The following FREM1 variants were observed in gnomAD, a reference collection of about 807,000 sequenced individuals.
FREM1 encodes FRAS1-related extracellular matrix protein 1.
FREM1 carries 220 observed loss-of-function variants against 210.1 expected under a neutral mutation model. The observed-to-expected ratio is 1.05, with a 90% CI of 0.94 to 1.17. The LOEUF (loss-of-function observed/expected upper bound fraction) is 1.17. Among genes scored for constraint, FREM1 ranks in the 50% most tolerant of loss-of-function variants. The pLI is 0.00. For missense variants in FREM1, 3,454 were observed against 2,675.5 expected, an observed-to-expected ratio of 1.29 and a Z score of -6.42; for synonymous variants, 1,189 against 980.2, an observed-to-expected ratio of 1.21 and a Z score of -3.98.
At chr9:14,904,367 T>A (rs1257702404) in intron 1 of FREM1, among the ~76,000 whole-genome samples, 2 of 152,066 alleles carry the variant, frequency 1.3e-5, no homozygotes, top group Non-Finnish European at 2.9e-5. Flanking sequence ...TCCAAGAGGG[T>A]TAACTGTTAT....
chr9:14,767,720 G>C (rs1846694328), intron 27 of FREM1, among the ~76,000 whole-genome samples: 1 of 151,994 alleles, frequency 6.6e-6, no homozygotes, highest in East Asian at 1.9e-4. Flanking sequence ...CTTACAAATG[G>C]GGTTGAGGAC....
chr9:14,834,921 G>T (rs1208617913), intron 10 of FREM1, among the ~76,000 whole-genome samples: 2 of 152,098 alleles, frequency 1.3e-5, no homozygotes, highest in Non-Finnish European at 2.9e-5. Flanking sequence ...TCCTGGGAAT[G>T]TTGCCATTCA....
intron 24 of FREM1, among the ~76,000 whole-genome samples, chr9:14,778,246 T>G (rs4415414): frequency 0.81 from 123,173 of 151,848 alleles, 50,970 homozygotes; most frequent in Non-Finnish European, 0.88. Flanking sequence ...CTTTGATAAG[T>G]ATATTTTTAA....
At position 14,737,435 on chromosome 9, in the gene FREM1, T is replaced by C; in HGVS notation, c.6501A>G (p.Arg2167=). 1 of 1,613,806 alleles carries C rather than the reference T, an allele frequency of 6.2e-7. No individual in the cohort carries two copies. Among genetic ancestry groups the C allele is most frequent in the Non-Finnish European group, 8.5e-7 (1 of 1,179,814 alleles). ...QGKWQTKDCR[R]AKPHNYVCSR... ...AACACACATAATTATGAGGTTTGGCTCTCCTACAGTCTTTTGTTTGCCATT... is the reference window on the plus strand; with the variant it reads ...AACACACATAATTATGAGGTTTGGCCCTCCTACAGTCTTTTGTTTGCCATT... Residue 2167 remains arginine, a synonymous_variant, in exon 37 of 37, where the codon AGA becomes AGG. Transcript: ENST00000380880.
intron 5 of FREM1, 31 bp from the exon 6 acceptor site, chr9:14,851,638 G>A (rs1827777974): frequency 2.0e-6 from 3 of 1,464,862 alleles, no homozygotes; most frequent in African/African-American, 1.4e-5. Flanking sequence ...TATAAAGGAG[G>A]AAATAATATG....
chr9:14,799,521 G>A (rs1191916090), intron 20 of FREM1, among the ~76,000 whole-genome samples: 1 of 151,814 alleles, frequency 6.6e-6, no homozygotes, highest in Non-Finnish European at 1.5e-5. Context: ...TCTTCAAAAT[G>A]ACTGTGTCCA....
At chr9:14,894,932 C>A (rs549853184) in intron 1 of FREM1, among the ~76,000 whole-genome samples, 4 of 152,298 alleles carry the variant, frequency 2.6e-5, no homozygotes, top group Admixed American at 2.6e-4. Flanking sequence ...AGGAATTAAA[C>A]TTGACTGGTA....
chr9:14,769,311 C>G (rs1847081395), intron 27 of FREM1, among the ~76,000 whole-genome samples: 4 of 152,186 alleles, frequency 2.6e-5, no homozygotes. Flanking sequence ...CTCTTCTTGA[C>G]TACCTCATTT....
In FREM1 at chr9:14,859,355, C is replaced by T. The variant is rs562673690; in HGVS notation, c.459G>A (p.Ala153=). ...CGAATCTGAGCAGATTTTTATCAAT[C>T]GCTTGGGACAAGCCATTGAATTCAG... ...EVPEFNGLSQ[A]IDKNLLRFDY... Residue 153 remains alanine, a synonymous_variant, in exon 4 of 37, where the codon GCG becomes GCA. Transcript: ENST00000380880. 1.4e-4 allele frequency: 221 copies of T among 1,613,730 alleles called. No homozygotes were observed. Among genetic ancestry groups the T allele is most frequent in the Non-Finnish European group, 1.7e-4 (205 of 1,179,850 alleles).
intron 20 of FREM1, 30 bp from the exon 21 acceptor site, chr9:14,797,672 T>C: frequency 1.3e-6 from 2 of 1,578,218 alleles, no homozygotes; most frequent in Middle Eastern, 1.7e-4. Context: ...TAAGTAAATC[T>C]TCCTTATGAT....
At chr9:14,792,908 T>C (rs1368727853) in intron 21 of FREM1, 24 bp from the exon 22 acceptor site, 2 of 1,515,782 alleles carry the variant, frequency 1.3e-6, no homozygotes, top group East Asian at 2.4e-5. Flanking sequence ...AATGTCTGGG[T>C]TGATATAAAA....
At chr9:14,812,349 G>A (rs1428755502) in intron 16 of FREM1, among the ~76,000 whole-genome samples, 1 of 152,158 alleles carries the variant, frequency 6.6e-6, no homozygotes, top group Non-Finnish European at 1.5e-5. Flanking sequence ...GTCATATACT[G>A]GGTAAGACAT....
At chr9:14,821,698 G>C (rs887629983) in intron 13 of FREM1, among the ~76,000 whole-genome samples, 2 of 152,194 alleles carry the variant, frequency 1.3e-5, no homozygotes, top group Non-Finnish European at 2.9e-5. Flanking sequence ...CCACAGGTGT[G>C]GGAGGTCAGG....
intron 8 of FREM1, 70 bp downstream of exon 8, chr9:14,845,890 G>A (rs1427698259): frequency 1.0e-5 from 15 of 1,494,664 alleles, no homozygotes; most frequent in Non-Finnish European, 1.3e-5. Context: ...ACATATATCT[G>A]TTAAATATAT....
chr9:14,801,886 C>G lies in FREM1; in HGVS notation c.3472-12G>C. On this transcript the variant is annotated splice_polypyrimidine_tract_variant and intron_variant, in intron 19 of 36. Transcript: ENST00000380880. ...TGACCCTCACACACCTGAGCAAGAACACATGAGAAAAGTCAACAATGCATA... is the reference window on the plus strand; with the variant it reads ...TGACCCTCACACACCTGAGCAAGAAGACATGAGAAAAGTCAACAATGCATA... 6.3e-7 allele frequency: 1 copy of G among 1,586,110 alleles called. No homozygotes were observed. The highest frequency in any genetic ancestry group is 8.6e-7 in the Non-Finnish European group (1 of 1,162,514).
intron 16 of FREM1, among the ~76,000 whole-genome samples, chr9:14,811,200 C>T (rs867795038): frequency 1.1e-4 from 16 of 152,064 alleles, no homozygotes; most frequent in Admixed American, 7.2e-4. Flanking sequence ...AACCAAAAGC[C>T]GTCTATTTGA....
At chr9:14,786,391 T>A (rs1382062990) in intron 23 of FREM1, among the ~76,000 whole-genome samples, 1 of 152,192 alleles carries the variant, frequency 6.6e-6, no homozygotes, top group African/African-American at 2.4e-5. Flanking sequence ...AAGCTATTTC[T>A]GAACTTAAAA....
chr9:14,796,146 G>A (rs555383262), intron 21 of FREM1, among the ~76,000 whole-genome samples: 10 of 152,224 alleles, frequency 6.6e-5, no homozygotes, highest in African/African-American at 2.4e-4. Context: ...TGGCTCATAG[G>A]GAACAGCAGG....
chr9:14,788,235 G>C (rs989974423), intron 23 of FREM1, among the ~76,000 whole-genome samples: 2 of 152,086 alleles, frequency 1.3e-5, no homozygotes, highest in African/African-American at 2.4e-5. Flanking sequence ...CAAAATTACA[G>C]GGTAGTAACA....
Sources: gnomAD v4.1 joint callset for allele counts (sites outside exome capture counted in the v4.1 genomes callset) on GRCh38, gnomAD v4.1.1 for gene constraint, MANE v1.5 for transcripts, NCBI Gene and HGNC (gene_info 2026-07-23, HGNC 2026-07-21) for gene names.